The following THSD7A variants were observed in gnomAD, a reference collection of about 807,000 sequenced individuals.
THSD7A encodes the protein thrombospondin type 1 domain containing 7A, also known as thrombospondin type-1 domain-containing protein 7A.
A neutral mutation model predicts 231.3 loss-of-function variants in THSD7A; 96 were observed. The ratio of observed to expected loss-of-function variants is 0.41; its 90% CI spans 0.35 to 0.49. THSD7A has a LOEUF of 0.49. THSD7A is among the 20% of genes least tolerant of loss of function. The pLI, the probability that THSD7A is intolerant of heterozygous loss-of-function variation, is 0.05. For missense variants in THSD7A, 2,290 were observed against 2,070.2 expected, an observed-to-expected ratio of 1.11 and a Z score of -2.06; for synonymous variants, 940 against 743.3, an observed-to-expected ratio of 1.26 and a Z score of -4.30.
At chr7:11,429,469 T>C (rs768605574) in intron 13 of THSD7A, among the ~76,000 whole-genome samples, 1 of 152,198 alleles carries the variant, frequency 6.6e-6, no homozygotes, top group Non-Finnish European at 1.5e-5. Context: ...TAAAAAATTA[T>C]AACAGTTTTC....
intron 1 of THSD7A, among the ~76,000 whole-genome samples, chr7:11,765,225 T>G (rs958265727): frequency 1.3e-5 from 2 of 152,192 alleles, no homozygotes; most frequent in Non-Finnish European, 2.9e-5. Flanking sequence ...AAAAATAAAC[T>G]TTATTTCATC....
At chr7:11,586,529 A>G (rs1195129432) in intron 4 of THSD7A, among the ~76,000 whole-genome samples, 1 of 152,194 alleles carries the variant, frequency 6.6e-6, no homozygotes, top group Admixed American at 6.5e-5. Flanking sequence ...GAGGAACAGG[A>G]AAGACACAGC....
intron 11 of THSD7A, among the ~76,000 whole-genome samples, chr7:11,452,402 A>G (rs1472425042): frequency 1.3e-5 from 2 of 151,984 alleles, no homozygotes; most frequent in African/African-American, 4.8e-5. Context: ...TTTCACTGGC[A>G]AGTTTGCCAA....
At chr7:11,733,279 CTGT>C (rs1370760733) in intron 1 of THSD7A, among the ~76,000 whole-genome samples, 1 of 151,702 alleles carries the variant, frequency 6.6e-6, no homozygotes, top group Non-Finnish European at 1.5e-5. Flanking sequence ...AGTAACAGCC[CTGT>C]TGTTATCCCC....
At position 11,474,582 on chromosome 7, in the gene THSD7A, C is replaced by T; in HGVS notation, c.2018-14G>A. The T allele has an allele frequency of 1.3e-6, 2 of 1,575,670 alleles. No individual in the cohort carries two copies. The highest frequency in any genetic ancestry group is 1.7e-6 in the Non-Finnish European group (2 of 1,151,516). On this transcript the variant is annotated splice_polypyrimidine_tract_variant and intron_variant, in intron 7 of 27. Transcript: ENST00000423059. The surrounding 1 kb of genome is among the most constrained non-coding windows in gnomAD (Gnocchi z 4.1). The stretch of plus-strand genomic sequence containing the variant: ...AGCGAATTCCACCTAAAAACATGGA[C>T]AATGATAGCAAATTAGATACGGTGC...
At chr7:11,578,143 T>G (rs1791000064) in intron 4 of THSD7A, among the ~76,000 whole-genome samples, 2 of 152,194 alleles carry the variant, frequency 1.3e-5, no homozygotes, top group South Asian at 4.1e-4. Context: ...TAGCCTTTAT[T>G]GCATGCTAAG....
chr7:11,401,347 T>G (rs994343623), intron 23 of THSD7A, among the ~76,000 whole-genome samples: 1 of 152,192 alleles, frequency 6.6e-6, no homozygotes. Flanking sequence ...TTTCCAATCT[T>G]TAGAATTCAG....
At chr7:11,604,326 T>C (rs535844615) in intron 2 of THSD7A, among the ~76,000 whole-genome samples, 1 of 152,198 alleles carries the variant, frequency 6.6e-6, no homozygotes, top group African/African-American at 2.4e-5. Flanking sequence ...CAATCCATCA[T>C]TGAATGTCTA....
chr7:11,825,348 G>A (rs1403551036), intron 1 of THSD7A, among the ~76,000 whole-genome samples: 4 of 152,132 alleles, frequency 2.6e-5, no homozygotes, highest in Non-Finnish European at 4.4e-5. Context: ...TCAGGTAGAG[G>A]TAAGATGTAA....
chr7:11,598,773 A>G (rs1780452939), intron 2 of THSD7A, among the ~76,000 whole-genome samples: 1 of 152,156 alleles, frequency 6.6e-6, no homozygotes, highest in South Asian at 2.1e-4. Flanking sequence ...CATCATCCCT[A>G]GTGATCCACT....
rs1781862655 is a variant in THSD7A, at chr7:11,636,551, A to G, written c.601T>C (p.Ser201Pro). ...CQQDCIVSEF[S>P]AWSECSKTCG... The stretch of plus-strand genomic sequence containing the variant: ...GTCTTGGAGCATTCGGACCAGGCAG[A>G]AAATTCAGACACGATGCAATCTTGC... The change falls in exon 2 of 28, where the codon TCT becomes CCT. Residue 201 changes from serine (S) to proline (P), a missense_variant. Ser to Pro is a moderately conservative substitution (Grantham distance 74). Coordinates refer to ENST00000423059, the MANE Select transcript of THSD7A (RefSeq NM_015204.3). The surrounding 1 kb of genome is among the most constrained non-coding windows in gnomAD (Gnocchi z 10.0). The G allele has an allele frequency of 6.2e-7, 1 of 1,613,892 alleles. No homozygotes were observed. Among genetic ancestry groups the G allele is most frequent in the African/African-American group, 1.3e-5 (1 of 74,934 alleles).
intron 2 of THSD7A, among the ~76,000 whole-genome samples, chr7:11,611,410 T>C (rs1780916257): frequency 6.6e-6 from 1 of 151,868 alleles, no homozygotes; most frequent in Non-Finnish European, 1.5e-5. Context: ...TTCTTCAGAG[T>C]GTACTAATTC....
intron 1 of THSD7A, among the ~76,000 whole-genome samples, chr7:11,652,841 T>C (rs1782556926): frequency 6.6e-6 from 1 of 151,980 alleles, no homozygotes; most frequent in Non-Finnish European, 1.5e-5. Context: ...AGATTGATTA[T>C]TCCTATAATT....
chr7:11,668,243 C>T (rs1046873102), intron 1 of THSD7A, among the ~76,000 whole-genome samples: 4 of 151,992 alleles, frequency 2.6e-5, no homozygotes, highest in African/African-American at 9.7e-5. Context: ...GTGATGAAAC[C>T]CTGTCTCTAG....
rs77473722 is a variant in THSD7A at position 11,788,754 on chromosome 7, C to T, written c.190+43003G>A. 4.7e-3 allele frequency among the ~76,000 whole-genome samples: 708 copies of T among 151,934 alleles called. 1 individual carries two copies. The highest frequency in any genetic ancestry group is 7.8e-3 in the Non-Finnish European group (530 of 67,932). On this transcript the variant is annotated intron_variant, in intron 1 of 27. Coordinates refer to ENST00000423059, the MANE Select transcript of THSD7A (RefSeq NM_015204.3). ...CACTTGGGTTTTTAAATCTGTGACTCGATTTTATTATCTGTAAAATGGGGA... is the reference window on the plus strand; with the variant it reads ...CACTTGGGTTTTTAAATCTGTGACTTGATTTTATTATCTGTAAAATGGGGA...
intron 3 of THSD7A, among the ~76,000 whole-genome samples, chr7:11,591,830 C>A (rs1459781437): frequency 6.6e-6 from 1 of 152,076 alleles, no homozygotes; most frequent in African/African-American, 2.4e-5. Flanking sequence ...GTTAAGGGAG[C>A]TGCAATAATT....
At position 11,469,889 on chromosome 7, in the gene THSD7A, C is replaced by G; in HGVS notation, c.2358G>C (p.Ser786=). The G allele has an allele frequency of 1.3e-6, 2 of 1,591,810 alleles. No individual in the cohort carries two copies. The highest frequency in any genetic ancestry group is 1.1e-5 in the South Asian group (1 of 87,404). The change falls in exon 9 of 28, where the codon TCG becomes TCC. Residue 786 remains serine (S), a synonymous_variant. Transcript: ENST00000423059. ...CTCTGCAGACCATACCTTCTTTACA[C>G]GAAGAGGGGCATGATGTCCAGTCAC... ...PYSDWTSCPS[S]CKEGDSSIRK...
intron 4 of THSD7A, among the ~76,000 whole-genome samples, chr7:11,572,407 A>G (rs1366286107): frequency 6.6e-6 from 1 of 152,144 alleles, no homozygotes; most frequent in African/African-American, 2.4e-5. Context: ...GAGTTTGTAC[A>G]TTCTTGAATT....
In THSD7A at chr7:11,676,604, G is replaced by A. The variant is rs554797580; in HGVS notation, c.191-39643C>T. 2.5e-4 allele frequency among the ~76,000 whole-genome samples: 38 copies of A among 152,206 alleles called. No individual in the cohort carries two copies. In the South Asian group the frequency reaches 6.8e-3, roughly 27 times the overall value. On this transcript the variant is annotated intron_variant, in intron 1 of 27. Coordinates refer to ENST00000423059, the MANE Select transcript of THSD7A (RefSeq NM_015204.3). ...CTAAGAGAGATGAAAAACATAGCAC[G>A]AGAACTTCATGGAGCACACAGAAGT...
Sources: gnomAD v4.1 joint callset for allele counts (sites outside exome capture counted in the v4.1 genomes callset) on GRCh38, gnomAD v4.1.1 for gene constraint, Gnocchi (gnomAD v3.1) non-coding constraint, MANE v1.5 for transcripts, NCBI Gene and HGNC (gene_info 2026-07-23, HGNC 2026-07-21) for gene names.